Variants in NPAS3 observed in about 807,000 individuals in gnomAD.
NPAS3 encodes neuronal PAS domain protein 3, also known as neuronal PAS domain-containing protein 3.
A neutral mutation model predicts 73.1 loss-of-function variants in NPAS3; 14 were observed. The ratio of observed to expected loss-of-function variants is 0.19; its 90% CI spans 0.13 to 0.30. The LOEUF (loss-of-function observed/expected upper bound fraction) is 0.30, where lower values mean the gene tolerates loss of function less well. Ranked by LOEUF, NPAS3 falls within the 10% of genes least tolerant of loss-of-function variation. The pLI is 1.00. For missense variants in NPAS3, 1,096 were observed against 1,250.0 expected (o/e 0.88, Z 1.86); for synonymous variants, 620 against 541.5 (o/e 1.14, Z -2.01).
chr14:33,248,165 T>C (rs1002748177), intron 3 of NPAS3, among the ~76,000 whole-genome samples: 34 of 152,356 alleles, frequency 2.2e-4, no homozygotes, highest in Admixed American at 2.0e-3. Context: ...TTAGAACTTA[T>C]GAGAATCATA....
chr14:33,005,807 G>A (rs1411255186), intron 1 of NPAS3, among the ~76,000 whole-genome samples: 1 of 152,186 alleles, frequency 6.6e-6, no homozygotes, highest in African/African-American at 2.4e-5. Flanking sequence ...GCACTTGTGA[G>A]TCTTCAATCT....
chr14:33,668,889 C>T (rs2059532779), intron 5 of NPAS3, among the ~76,000 whole-genome samples: 1 of 152,190 alleles, frequency 6.6e-6, no homozygotes, highest in Non-Finnish European at 1.5e-5. Flanking sequence ...ATTTTCCACT[C>T]TTTCTTATTC....
intron 4 of NPAS3, among the ~76,000 whole-genome samples, chr14:33,371,332 G>A (rs1203180815): frequency 6.6e-6 from 1 of 152,098 alleles, no homozygotes; most frequent in Non-Finnish European, 1.5e-5. Context: ...GAATCTGAGT[G>A]TTCATGGTAA....
At chr14:33,285,500 C>T (rs1319818248) in intron 3 of NPAS3, among the ~76,000 whole-genome samples, 3 of 152,178 alleles carry the variant, frequency 2.0e-5, no homozygotes, top group Non-Finnish European at 4.4e-5. Context: ...CAACAGTCAA[C>T]AACAATGAGG....
At chr14:33,352,933 G>A (rs767110006) in intron 3 of NPAS3, among the ~76,000 whole-genome samples, 1 of 152,084 alleles carries the variant, frequency 6.6e-6, no homozygotes, top group Non-Finnish European at 1.5e-5. Context: ...TGACTATATA[G>A]GTCTTATCAG....
At chr14:33,155,415 T>C (rs1158468293) in intron 2 of NPAS3, among the ~76,000 whole-genome samples, 4 of 152,202 alleles carry the variant, frequency 2.6e-5, no homozygotes, top group African/African-American at 9.7e-5. Flanking sequence ...GAGGAGGAAC[T>C]GGGTATCTCT....
chr14:32,995,936 C>A lies in NPAS3; in HGVS notation c.50+56570C>A, dbSNP rs554483870. 5.3e-5 allele frequency among the ~76,000 whole-genome samples: 8 copies of A among 152,150 alleles called. No homozygotes were observed. In the South Asian group the frequency reaches 1.7e-3, roughly 32 times the overall value. Reference sequence around the variant, plus strand: ...AGTGACTTTGGAGCTGGGTAACAGGCAGAACAATTTGGAGGGCTCAGAAGA... The same window carrying A: ...AGTGACTTTGGAGCTGGGTAACAGGAAGAACAATTTGGAGGGCTCAGAAGA... On this transcript the variant is annotated intron_variant, in intron 1 of 11. Transcript: ENST00000356141.
At chr14:33,715,605 G>A (rs1299868276) in intron 6 of NPAS3, among the ~76,000 whole-genome samples, 2 of 152,132 alleles carry the variant, frequency 1.3e-5, no homozygotes, top group Non-Finnish European at 2.9e-5. Flanking sequence ...GGCTAATGGT[G>A]CCAGTCACAG....
upstream of NPAS3, among the ~76,000 whole-genome samples, chr14:32,938,136 A>G (rs1277968455): frequency 6.6e-6 from 1 of 152,090 alleles, no homozygotes; most frequent in East Asian, 1.9e-4. Context: ...TACGTCCGTG[A>G]CTGATGCAGA....
intron 9 of NPAS3, among the ~76,000 whole-genome samples, chr14:33,784,791 C>T (rs558280122): frequency 5.5e-4 from 52 of 94,670 alleles, no homozygotes; most frequent in Admixed American, 3.7e-3. Flanking sequence ...ACTCTTGTTG[C>T]CCAGGCTGGA....
At chr14:33,085,704 T>G (rs1175290255) in intron 2 of NPAS3, among the ~76,000 whole-genome samples, 3 of 152,186 alleles carry the variant, frequency 2.0e-5, no homozygotes, top group Non-Finnish European at 4.4e-5. Context: ...AAAAGACATT[T>G]TATGTTGATA....
chr14:33,506,283 TA>T (rs2052758008), intron 4 of NPAS3, among the ~76,000 whole-genome samples: 1 of 152,048 alleles, frequency 6.6e-6, no homozygotes, highest in South Asian at 2.1e-4. Flanking sequence ...AAGTGCTCAG[TA>T]AATATTTGTT....
chr14:33,671,648 C>A (rs1442255957), intron 5 of NPAS3, among the ~76,000 whole-genome samples: 1 of 152,196 alleles, frequency 6.6e-6, no homozygotes, highest in Non-Finnish European at 1.5e-5. Flanking sequence ...TCTGCTGCCC[C>A]TGATGCATTC....
chr14:33,452,730 G>A (rs563262459), intron 4 of NPAS3, among the ~76,000 whole-genome samples: 10 of 133,426 alleles, frequency 7.5e-5, no homozygotes, highest in African/African-American at 1.8e-4. Context: ...AGCCCAGATC[G>A]TGCCACTGCA....
chr14:33,760,122 A>C (rs1468512216), intron 7 of NPAS3, among the ~76,000 whole-genome samples: 3 of 152,106 alleles, frequency 2.0e-5, no homozygotes, highest in African/African-American at 7.2e-5. Context: ...CCTGGCCAAA[A>C]GCTTAAGAGT....
chr14:33,587,781 A>G (rs1033117508), intron 5 of NPAS3, among the ~76,000 whole-genome samples: 1 of 152,166 alleles, frequency 6.6e-6, no homozygotes, highest in Non-Finnish European at 1.5e-5. Context: ...TTTAATCTTG[A>G]CCAATTAAAA....
intron 9 of NPAS3, among the ~76,000 whole-genome samples, chr14:33,791,998 A>G (rs2063371916): frequency 6.6e-6 from 1 of 152,250 alleles, no homozygotes; most frequent in East Asian, 1.9e-4. Flanking sequence ...AATAGTGGAC[A>G]GAATTATATA....
intron 4 of NPAS3, among the ~76,000 whole-genome samples, chr14:33,530,165 A>G (rs2053978019): frequency 6.6e-6 from 1 of 152,264 alleles, no homozygotes; most frequent in South Asian, 2.1e-4. Context: ...GTGAGTTTAG[A>G]TATTACAAAA....
At chr14:33,010,034 G>A (rs1419359123) in intron 1 of NPAS3, among the ~76,000 whole-genome samples, 15 of 152,156 alleles carry the variant, frequency 9.9e-5, no homozygotes, top group Admixed American at 9.8e-4. Flanking sequence ...TGGATTGGAT[G>A]AGACAATGAG....
Sources: allele counts gnomAD v4.1 joint callset (sites outside exome capture counted in the v4.1 genomes callset), GRCh38; gene constraint gnomAD v4.1.1; transcripts MANE v1.5; gene names NCBI Gene and HGNC (gene_info 2026-07-23, HGNC 2026-07-21).